CTNNA3: variants seen among roughly 807,000 people sequenced by gnomAD.
CTNNA3 encodes the protein catenin alpha 3.
Under a neutral mutation model 95.7 loss-of-function variants are expected in CTNNA3, and 76 were observed. The ratio of observed to expected loss-of-function variants is 0.79; its 90% CI spans 0.66 to 0.96. The LOEUF is 0.96. CTNNA3 is among the 40% of genes least tolerant of loss of function. CTNNA3 has a pLI of 0.00. For missense variants in CTNNA3, 1,191 were observed against 1,089.8 expected (o/e 1.09, Z -1.31); for synonymous variants, 431 against 374.4 (o/e 1.15, Z -1.74).
chr10:66,471,110 T>C (rs910280663), intron 11 of CTNNA3, among the ~76,000 whole-genome samples: 27 of 151,862 alleles, frequency 1.8e-4, no homozygotes, highest in Non-Finnish European at 4.0e-4. Flanking sequence ...TCCCCCATTG[T>C]TTATTGTCCA....
chr10:66,105,937 TA>T (rs1339434000), intron 13 of CTNNA3, among the ~76,000 whole-genome samples: 2 of 152,084 alleles, frequency 1.3e-5, no homozygotes, highest in African/African-American at 4.8e-5. Context: ...TAAACACAAA[TA>T]ATAGAAACAG....
intron 10 of CTNNA3, among the ~76,000 whole-genome samples, chr10:66,574,744 G>C (rs183474640): frequency 6.4e-4 from 97 of 152,184 alleles, no homozygotes; most frequent in African/African-American, 2.2e-3. Flanking sequence ...AAGTGTAACA[G>C]TTTTTTTACT....
chr10:67,248,740 T>C lies in CTNNA3; in HGVS notation c.580-28870A>G, dbSNP rs116108430. On this transcript the variant is annotated intron_variant, in intron 5 of 17. Transcript: ENST00000433211. ...ACCACACCTGAGCAACAATTGGATA[T>C]ATACATGCAAAAGAAAAAAGCTGGA... 4.2e-3 allele frequency among the ~76,000 whole-genome samples: 645 copies of C among 152,256 alleles called. 6 individuals are homozygous for C. The highest frequency in any genetic ancestry group is 0.015 in the African/African-American group (612 of 41,558).
chr10:67,601,389 A>C (rs1197033559), intron 3 of CTNNA3, among the ~76,000 whole-genome samples: 1 of 152,158 alleles, frequency 6.6e-6, no homozygotes, highest in Non-Finnish European at 1.5e-5. Context: ...TGCGCTGTTC[A>C]CAATAGGGCT....
intron 5 of CTNNA3, among the ~76,000 whole-genome samples, chr10:67,266,053 G>T (rs1589106591): frequency 1.3e-5 from 2 of 152,070 alleles, no homozygotes; most frequent in Admixed American, 1.3e-4. Flanking sequence ...TCAATAAAAA[G>T]AGAGACCAAA....
At chr10:66,211,153 C>A (rs2088128640) in intron 13 of CTNNA3, among the ~76,000 whole-genome samples, 1 of 152,112 alleles carries the variant, frequency 6.6e-6, no homozygotes, top group African/African-American at 2.4e-5. Flanking sequence ...AACAGTAACA[C>A]CATCAACACA....
At chr10:66,185,009 C>G (rs2086255659) in intron 13 of CTNNA3, among the ~76,000 whole-genome samples, 1 of 152,180 alleles carries the variant, frequency 6.6e-6, no homozygotes, top group Admixed American at 6.5e-5. Flanking sequence ...TTGCTCTAAA[C>G]TTTCTAAATG....
At chr10:67,253,554 CT>C (rs1866197570) in intron 5 of CTNNA3, among the ~76,000 whole-genome samples, 1 of 152,124 alleles carries the variant, frequency 6.6e-6, no homozygotes, top group Admixed American at 6.6e-5. Flanking sequence ...AATGTTCTCT[CT>C]CTCTCTTTCC....
chr10:67,624,925 A>G (rs113373907), intron 2 of CTNNA3, among the ~76,000 whole-genome samples: 93 of 152,314 alleles, frequency 6.1e-4, no homozygotes, highest in Admixed American at 1.1e-3. Flanking sequence ...CATATTGTCC[A>G]TCCTTTTCCT....
At chr10:66,943,519 C>CT (rs34477836) in intron 7 of CTNNA3, among the ~76,000 whole-genome samples, 96 of 141,512 alleles carry the variant, frequency 6.8e-4, no homozygotes, top group African/African-American at 2.3e-3. Flanking sequence ...TTCCCCCACC[C>CT]TTTTTTTTTT....
At chr10:66,728,682 G>A (rs116087787) in intron 9 of CTNNA3, among the ~76,000 whole-genome samples, 3,016 of 152,086 alleles carry the variant, frequency 0.02, 65 homozygotes, top group African/African-American at 0.046. Context: ...TCTGTTTCCC[G>A]CGTTAAGTGA....
At chr10:67,467,499 C>T (rs998312545) in intron 5 of CTNNA3, among the ~76,000 whole-genome samples, 4 of 152,050 alleles carry the variant, frequency 2.6e-5, no homozygotes, top group African/African-American at 9.7e-5. Flanking sequence ...TTATCTACCC[C>T]TAGGCATCAT....
intron 3 of CTNNA3, among the ~76,000 whole-genome samples, chr10:67,581,197 C>G (rs112593798): frequency 0.23 from 34,641 of 151,982 alleles, 7,286 homozygotes; most frequent in African/African-American, 0.56. Context: ...CTGTAGGTTT[C>G]TCATAAATAG....
intron 10 of CTNNA3, among the ~76,000 whole-genome samples, chr10:66,536,990 G>C (rs915597172): frequency 6.6e-6 from 1 of 151,780 alleles, no homozygotes; most frequent in African/African-American, 2.4e-5. Context: ...CTGTGAAATA[G>C]CATAAAAAGT....
At chr10:66,146,288 T>C (rs1483619558) in intron 13 of CTNNA3, among the ~76,000 whole-genome samples, 1 of 152,212 alleles carries the variant, frequency 6.6e-6, no homozygotes, top group Non-Finnish European at 1.5e-5. Context: ...CTGCCTCTAC[T>C]GAATAAAATA....
At chr10:67,734,690 A>C (rs1003546950) in intron 1 of CTNNA3, among the ~76,000 whole-genome samples, 1 of 152,164 alleles carries the variant, frequency 6.6e-6, no homozygotes, top group African/African-American at 2.4e-5. Flanking sequence ...ACATTTCTGG[A>C]GGGCAATTTG....
chr10:66,694,386 C>T (rs1255175792), intron 9 of CTNNA3, among the ~76,000 whole-genome samples: 2 of 152,112 alleles, frequency 1.3e-5, no homozygotes, highest in Admixed American at 6.5e-5. Context: ...TTCCTCGACA[C>T]ATACACCCTC....
intron 2 of CTNNA3, among the ~76,000 whole-genome samples, chr10:67,624,024 G>T (rs1019901472): frequency 3.3e-5 from 5 of 152,044 alleles, no homozygotes; most frequent in African/African-American, 7.3e-5. Flanking sequence ...GTTTCTCCAT[G>T]TTGGTCAGGC....
At chr10:67,079,219 G>A (rs993066613) in intron 7 of CTNNA3, among the ~76,000 whole-genome samples, 2 of 152,134 alleles carry the variant, frequency 1.3e-5, no homozygotes, top group East Asian at 1.9e-4. Flanking sequence ...ATGAGCACAC[G>A]CTGTGCACAA....
Sources: allele counts gnomAD v4.1 joint callset (sites outside exome capture counted in the v4.1 genomes callset), GRCh38; gene constraint gnomAD v4.1.1; transcripts MANE v1.5; gene names NCBI Gene and HGNC (gene_info 2026-07-23, HGNC 2026-07-21).